The following NCR3LG1 variants were observed in gnomAD, a reference collection of about 807,000 sequenced individuals.
NCR3LG1 encodes natural killer cell cytotoxicity receptor 3 ligand 1.
In NCR3LG1, 35 loss-of-function variants were observed where a neutral mutation model predicts 34.8. The ratio of observed to expected loss-of-function variants is 1.01; its 90% CI spans 0.77 to 1.33. The LOEUF (loss-of-function observed/expected upper bound fraction) is 1.33, where lower values mean the gene tolerates loss of function less well. Ranked by LOEUF, NCR3LG1 falls within the 40% of genes most tolerant of loss-of-function variation. The probability of loss-of-function intolerance (pLI) is 0.00; values close to 1 mark genes in which losing one functional copy is unlikely to be tolerated. For synonymous variants in NCR3LG1, 173 were observed against 163.6 expected, an observed-to-expected ratio of 1.06 and a Z score of -0.44; for missense variants, 452 against 423.3, an observed-to-expected ratio of 1.07 and a Z score of -0.60.
At chr11:17,365,403 A>G (rs1953334210) in intron 2 of NCR3LG1, among the ~76,000 whole-genome samples, 1 of 152,158 alleles carries the variant, frequency 6.6e-6, no homozygotes, top group Admixed American at 6.5e-5. Context: ...AAAGTGTTGG[A>G]GGAGAATCTG....
rs1451507391 is a variant in NCR3LG1, at chr11:17,372,432, T to G, written c.1285T>G (p.Trp429Gly). ...DAPILPVSPI[W>G]EPPPATTSTT... is the part of the protein sequence containing the mutation. ...CCCAATCCTTCCTGTCTCCCCTATC[T>G]GGGAACCTCCTCCAGCCACAACATC... The change falls in exon 5 of 5, where the codon TGG becomes GGG. Residue 429 changes from tryptophan to glycine, a missense_variant. Transcript: ENST00000338965. 7 of 703,096 alleles carry G rather than the reference T, an allele frequency of 1.0e-5. No homozygotes were observed. Among genetic ancestry groups the G allele is most frequent in the Non-Finnish European group, 1.8e-5 (7 of 385,048 alleles). 43.6% of individuals were successfully genotyped at this position (703,096 alleles called of 1,614,324 possible).
chr11:17,372,670 T>C lies in NCR3LG1; in HGVS notation c.*158T>C. On this transcript the variant is annotated 3_prime_UTR_variant, in exon 5 of 5. Coordinates refer to ENST00000338965, the MANE Select transcript of NCR3LG1 (RefSeq NM_001202439.3). ...AGGTGTTTGACCTTACTTGGGGTGATGTTATGTTGCTCTTAAACTCTTAAC... is the reference window on the plus strand; with the variant it reads ...AGGTGTTTGACCTTACTTGGGGTGACGTTATGTTGCTCTTAAACTCTTAAC... 1 of 572,648 alleles carries C rather than the reference T, an allele frequency of 1.7e-6. No individual in the cohort carries two copies. Among genetic ancestry groups the C allele is most frequent in the Non-Finnish European group, 3.1e-6 (1 of 323,346 alleles). The allele number at this position is 572,648 out of a possible 1,614,324, so 35.5% of individuals were successfully genotyped here.
At chr11:17,357,516 T>C (rs1953224356) in intron 2 of NCR3LG1, among the ~76,000 whole-genome samples, 1 of 152,182 alleles carries the variant, frequency 6.6e-6, no homozygotes, top group Non-Finnish European at 1.5e-5. Flanking sequence ...CAGCCCAGCA[T>C]GGGCCCTCCA....
In NCR3LG1 at chr11:17,372,493, T is replaced by C. The variant is rs202235380; in HGVS notation, c.1346T>C (p.Leu449Ser). The C allele has an allele frequency of 7.3e-6, 5 of 685,822 alleles. No homozygotes were observed. The highest frequency in any genetic ancestry group is 1.3e-5 in the Non-Finnish European group (5 of 375,730). The allele number at this position is 685,822 out of a possible 1,614,324, so 42.5% of individuals were successfully genotyped here. A position where few individuals can be genotyped will look rare whatever the true frequency, so the allele number is the denominator to read the frequency against. Residue 449 changes from leucine to serine, a missense_variant, in exon 5 of 5, where the codon TTA becomes TCA. Coordinates refer to ENST00000338965, the MANE Select transcript of NCR3LG1 (RefSeq NM_001202439.3). ...TPVLSSQPPTLLLPLQ is the reference protein window; with the variant it reads ...TPVLSSQPPTSLLPLQ ...GTTCTATCCTCCCAACCCCCAACTT[T>C]ACTGTTACCCCTACAGTAAATGCCT...
chr11:17,351,910 T>C lies in NCR3LG1; in HGVS notation c.-60T>C. The C allele has an allele frequency of 7.3e-7, 1 of 1,360,784 alleles. No individual in the cohort carries two copies. The highest frequency in any genetic ancestry group is 1.0e-6 in the Non-Finnish European group (1 of 989,150). 84.3% of individuals were successfully genotyped at this position (1,360,784 alleles called of 1,614,324 possible). On this transcript the variant is annotated 5_prime_UTR_variant, in exon 1 of 5. Transcript: ENST00000338965. Reference sequence around the variant, plus strand: ...AACAGAGGTCTCCCCCTGCCCTTGGTTTCTACCGGGCCGCCTGCTCCCACT... The same window carrying C: ...AACAGAGGTCTCCCCCTGCCCTTGGCTTCTACCGGGCCGCCTGCTCCCACT...
chr11:17,374,232 TCA>T lies in NCR3LG1; in HGVS notation c.*1723_*1724del, dbSNP rs1182405150. 6.6e-6 allele frequency: 1 copy of T among 152,198 alleles called. No individual in the cohort carries two copies. The highest frequency in any genetic ancestry group is 1.9e-4 in the East Asian group (1 of 5,200). The allele number at this position is 152,198 out of a possible 1,614,324, so 9.4% of individuals were successfully genotyped here. A position where few individuals can be genotyped will look rare whatever the true frequency, so the allele number is the denominator to read the frequency against. On this transcript the variant is annotated 3_prime_UTR_variant, in exon 5 of 5. Coordinates refer to ENST00000338965, the MANE Select transcript of NCR3LG1 (RefSeq NM_001202439.3). ...CAAATATCCAAGGGAACTAAATGGT[TCA>T]CAGTTCTGGGCCTAAAGGATGCCTT...
At position 17,368,857 on chromosome 11, in the gene NCR3LG1, C is replaced by G. The variant is rs1037175596; in HGVS notation, c.761-10C>G. The stretch of plus-strand genomic sequence containing the variant: ...GGTTTCCTGCTAATGTTTTCCTTCT[C>G]TCTCTGCAGAAACTGAGAAGACAGA... On this transcript the variant is annotated splice_polypyrimidine_tract_variant and intron_variant, in intron 3 of 4. Coordinates refer to ENST00000338965, the MANE Select transcript of NCR3LG1 (RefSeq NM_001202439.3). 58 of 1,512,314 alleles carry G rather than the reference C, an allele frequency of 3.8e-5. 1 individual carries two copies. The highest frequency in any genetic ancestry group is 1.7e-4 in the Middle Eastern group (1 of 5,976). 93.7% of individuals were successfully genotyped at this position (1,512,314 alleles called of 1,614,324 possible).
chr11:17,358,151 C>T (rs1045962291), intron 2 of NCR3LG1, among the ~76,000 whole-genome samples: 1 of 152,262 alleles, frequency 6.6e-6, no homozygotes, highest in South Asian at 2.1e-4. Context: ...TCGTATGGTA[C>T]CTTGATATAA....
chr11:17,370,736 C>A (rs1026548872), intron 4 of NCR3LG1, among the ~76,000 whole-genome samples: 1 of 152,180 alleles, frequency 6.6e-6, no homozygotes, highest in Non-Finnish European at 1.5e-5. Flanking sequence ...TGGACTAACT[C>A]CAGCCCCCGA....
In NCR3LG1 at chr11:17,354,111, C is replaced by T. The variant is rs571822496; in HGVS notation, c.70+2072C>T. On this transcript the variant is annotated intron_variant, in intron 1 of 4. Coordinates refer to ENST00000338965, the MANE Select transcript of NCR3LG1 (RefSeq NM_001202439.3). ...TTTTAAAGAACGTTAGGTTTTATTT[C>T]AGAAATGAAGTTGAAAAGAGCAATT... 2.6e-5 allele frequency among the ~76,000 whole-genome samples: 4 copies of T among 152,314 alleles called. No individual in the cohort carries two copies. The East Asian group carries it at 7.7e-4, about 29-fold the overall frequency.
intron 2 of NCR3LG1, among the ~76,000 whole-genome samples, chr11:17,363,530 C>T (rs12292491): frequency 0.08 from 6,366 of 79,910 alleles, 384 homozygotes; most frequent in Middle Eastern, 0.14. Context: ...CTCCCTCCCT[C>T]CCTCCCTCCC....
intron 1 of NCR3LG1, among the ~76,000 whole-genome samples, chr11:17,353,552 C>T (rs1011958052): frequency 1.3e-5 from 2 of 152,222 alleles, no homozygotes; most frequent in African/African-American, 2.4e-5. Context: ...TCCCGCGCCC[C>T]CTCCCGGGCC....
chr11:17,368,479 G>A (rs1953371681), intron 3 of NCR3LG1, among the ~76,000 whole-genome samples: 1 of 152,132 alleles, frequency 6.6e-6, no homozygotes, highest in African/African-American at 2.4e-5. Flanking sequence ...TGGGTGGCAT[G>A]TGCAGGGATG....
In NCR3LG1 at chr11:17,356,893, G is replaced by C; in HGVS notation, c.313G>C (p.Ala105Pro). ...VSPWRLKSGDASLRLPGIQLE... is the reference protein window; with the variant it reads ...VSPWRLKSGDPSLRLPGIQLE... ...TCCATGGAGGCTGAAGAGTGGGGACGCCTCACTGCGGCTGCCTGGAATCCA... is the reference window on the plus strand; with the variant it reads ...TCCATGGAGGCTGAAGAGTGGGGACCCCTCACTGCGGCTGCCTGGAATCCA... The change falls in exon 2 of 5, where the codon GCC becomes CCC. Residue 105 changes from alanine to proline, a missense_variant. Ala to Pro is a conservative substitution (Grantham distance 27). Transcript: ENST00000338965. The C allele has an allele frequency of 6.5e-7, 1 of 1,536,130 alleles. No individual in the cohort carries two copies. Among genetic ancestry groups the C allele is most frequent in the Non-Finnish European group, 8.7e-7 (1 of 1,146,902 alleles).
chr11:17,374,324 ACC>A lies in NCR3LG1; in HGVS notation c.*1813_*1814del. The A allele has an allele frequency of 6.6e-6, 1 of 152,234 alleles. No homozygotes were observed. Among genetic ancestry groups the A allele is most frequent in the African/African-American group, 2.4e-5 (1 of 41,542 alleles). The allele number at this position is 152,234 out of a possible 1,614,324, so 9.4% of individuals were successfully genotyped here. ...TACCTTTGAAGACCCCTCCAATCAA[ACC>A]ACCCAGTTAACCTGGACTGTACTGC... On this transcript the variant is annotated 3_prime_UTR_variant, in exon 5 of 5. Transcript: ENST00000338965.
intron 2 of NCR3LG1, among the ~76,000 whole-genome samples, chr11:17,366,297 A>G (rs1268698148): frequency 6.6e-6 from 1 of 152,328 alleles, no homozygotes; most frequent in East Asian, 1.9e-4. Flanking sequence ...TAGTATTCCA[A>G]ACATTCTGCA....
At chr11:17,358,945 T>C (rs908297120) in intron 2 of NCR3LG1, among the ~76,000 whole-genome samples, 7 of 152,228 alleles carry the variant, frequency 4.6e-5, no homozygotes, top group African/African-American at 1.7e-4. Context: ...TTTTTTGTTT[T>C]ATTTAATTTT....
At chr11:17,363,824 T>A (rs936819719) in intron 2 of NCR3LG1, among the ~76,000 whole-genome samples, 1 of 152,030 alleles carries the variant, frequency 6.6e-6, no homozygotes, top group African/African-American at 2.4e-5. Flanking sequence ...CTCGAACTCC[T>A]GAGCTCAAGT....
In NCR3LG1 at chr11:17,363,456, T is replaced by C. The variant is rs943694635; in HGVS notation, c.422-3553T>C. 2.6e-5 allele frequency among the ~76,000 whole-genome samples: 4 copies of C among 152,088 alleles called. No individual in the cohort carries two copies. The East Asian group carries it at 7.8e-4, about 29-fold the overall frequency. On this transcript the variant is annotated intron_variant, in intron 2 of 4. Transcript: ENST00000338965. ...CCAGTGTTGTTCTTGTTCTTCTATA[T>C]GTAAGGTGTGTTTTTTTTCCTGTGA... is the stretch of plus-strand genomic sequence containing the variant.
Sources: allele counts gnomAD v4.1 joint callset (sites outside exome capture counted in the v4.1 genomes callset), GRCh38; gene constraint gnomAD v4.1.1; transcripts MANE v1.5; gene names NCBI Gene and HGNC (gene_info 2026-07-23, HGNC 2026-07-21).